The following PALD1 variants were observed in gnomAD, a reference collection of about 807,000 sequenced individuals.
PALD1 encodes paladin.
In PALD1, 57 loss-of-function variants were observed where a neutral mutation model predicts 96.0. The ratio of observed to expected loss-of-function variants is 0.59; its 90% CI spans 0.48 to 0.74. PALD1 has a LOEUF of 0.74. Among genes scored for constraint, PALD1 ranks in the 30% least tolerant of loss-of-function variants. The pLI is 0.00. For synonymous variants in PALD1, 464 were observed against 473.6 expected (o/e 0.98, Z 0.26); for missense variants, 1,063 against 1,143.7 (o/e 0.93, Z 1.02).
chr10:70,518,239 C>T (rs550012912), intron 1 of PALD1, among the ~76,000 whole-genome samples: 3 of 152,256 alleles, frequency 2.0e-5, no homozygotes, highest in South Asian at 4.1e-4. Flanking sequence ...TATCACATTG[C>T]GTTCATCTGT....
chr10:70,566,229 C>T (rs771865488), intron 19 of PALD1, among the ~76,000 whole-genome samples: 1 of 152,192 alleles, frequency 6.6e-6, no homozygotes, highest in Non-Finnish European at 1.5e-5. Flanking sequence ...CCTGCATCCA[C>T]GTTCTTCCTC....
chr10:70,489,050 A>T (rs550072517), intron 1 of PALD1, among the ~76,000 whole-genome samples: 13 of 152,218 alleles, frequency 8.5e-5, no homozygotes, highest in Non-Finnish European at 1.8e-4. Flanking sequence ...CACTGGAAGG[A>T]ATAGGCCCAG....
chr10:70,460,910 C>T, the PALD1 span, among the ~76,000 whole-genome samples: 3 of 152,158 alleles, frequency 2.0e-5, no homozygotes. Flanking sequence ...CAAAAATTAG[C>T]CGGGCGTGGT....
chr10:70,537,591 T>G (rs1847140228), intron 10 of PALD1, among the ~76,000 whole-genome samples: 1 of 152,232 alleles, frequency 6.6e-6, no homozygotes, highest in Non-Finnish European at 1.5e-5. Context: ...CAGTGCCTGG[T>G]GTGGTCACCC....
intron 5 of PALD1, 106 bp from the exon 6 acceptor site, chr10:70,532,515 G>A (rs1847013334): frequency 8.9e-7 from 1 of 1,120,934 alleles, no homozygotes; most frequent in African/African-American, 1.6e-5. Flanking sequence ...GCAGAAGCCT[G>A]CCTGTGGCCT....
rs1847212891 is a variant in PALD1, at chr10:70,540,144, G to A, written c.1908+382G>A. Among the ~76,000 whole-genome samples the A allele has an allele frequency of 6.6e-6, 1 of 151,772 alleles. No homozygotes were observed. The highest frequency in any genetic ancestry group is 1.5e-5 in the Non-Finnish European group (1 of 67,910). ...ATAGGTGTGTGTGTGTTATCGGGGT[G>A]TGTGTGTATTCTGTTACAGGTGTGT... On this transcript the variant is annotated intron_variant, in intron 15 of 19. Transcript: ENST00000263563. The surrounding 1 kb of genome is among the most constrained non-coding windows in gnomAD (Gnocchi z 4.2).
chr10:70,551,287 C>T (rs1188077082), intron 18 of PALD1, among the ~76,000 whole-genome samples: 2 of 146,002 alleles, frequency 1.4e-5, no homozygotes, highest in African/African-American at 5.0e-5. Flanking sequence ...TAAACTTCTG[C>T]CCTCTGGTTT....
At chr10:70,542,712 G>A (rs1847276207) in intron 17 of PALD1, among the ~76,000 whole-genome samples, 1 of 152,156 alleles carries the variant, frequency 6.6e-6, no homozygotes, top group Non-Finnish European at 1.5e-5. Context: ...CCTTTTGGCT[G>A]TCATGAGTAA....
chr10:70,476,208 C>T (rs553884624), upstream of PALD1, among the ~76,000 whole-genome samples: 5 of 152,310 alleles, frequency 3.3e-5, no homozygotes, highest in Admixed American at 2.0e-4. Context: ...CCAGATTTCT[C>T]AGGAATCTTC....
rs756818088 is a variant in PALD1, at chr10:70,532,990, G to C, written c.795-5G>C. ...GCCTGATGGCTGCTCTCCCTCACCT[G>C]GCAGGTACCACCGCCTGCCCCTGCC... On this transcript the variant is annotated splice_region_variant and splice_polypyrimidine_tract_variant and intron_variant, in intron 6 of 19. Transcript: ENST00000263563. 5.1e-6 allele frequency: 8 copies of C among 1,574,620 alleles called. No homozygotes were observed. In the Admixed American group the frequency reaches 1.5e-4, roughly 29 times the overall value.
intron 17 of PALD1, among the ~76,000 whole-genome samples, chr10:70,542,538 T>C (rs896956253): frequency 6.6e-6 from 1 of 152,252 alleles, no homozygotes; most frequent in Non-Finnish European, 1.5e-5. Flanking sequence ...GTATTTGTGT[T>C]TTATGACTAG....
intron 1 of PALD1, among the ~76,000 whole-genome samples, chr10:70,507,814 A>G (rs1846425087): frequency 6.6e-6 from 1 of 151,396 alleles, no homozygotes; most frequent in African/African-American, 2.4e-5. Flanking sequence ...GTTCGTAGAG[A>G]TGAGGTCTCA....
chr10:70,479,846 G>A (rs545124692), intron 1 of PALD1, among the ~76,000 whole-genome samples: 52 of 152,284 alleles, frequency 3.4e-4, no homozygotes, highest in African/African-American at 1.2e-3. Flanking sequence ...GCACTGGGCC[G>A]TGCCCCTGGA....
At position 70,562,334 on chromosome 10, in the gene PALD1, T is replaced by C. The variant is rs1847757369; in HGVS notation, c.2263-2030T>C. ...GCAGGCTTTGCAAGTTACCATCTAC[T>C]CTGCGACCCTGGAGGCAAAGACAGC... On this transcript the variant is annotated intron_variant, in intron 18 of 19. Coordinates refer to ENST00000263563, the MANE Select transcript of PALD1 (RefSeq NM_014431.3). 2.0e-5 allele frequency among the ~76,000 whole-genome samples: 3 copies of C among 152,222 alleles called. No individual in the cohort carries two copies. In the South Asian group the frequency reaches 6.2e-4, roughly 32 times the overall value.
At chr10:70,532,906 C>A (rs1032837686) in intron 6 of PALD1, 89 bp from the exon 7 acceptor site, 1 of 1,502,184 alleles carries the variant, frequency 6.7e-7, no homozygotes, top group Non-Finnish European at 9.2e-7. Flanking sequence ...CACAGTGGGG[C>A]CCATTTCCAA....
upstream of PALD1, among the ~76,000 whole-genome samples, chr10:70,475,395 C>G (rs1389176092): frequency 6.6e-6 from 1 of 152,150 alleles, no homozygotes; most frequent in Non-Finnish European, 1.5e-5. Flanking sequence ...GCTCAGAGAC[C>G]ACTGGGCTCA....
chr10:70,501,051 C>T (rs1846283746), intron 1 of PALD1, among the ~76,000 whole-genome samples: 1 of 152,188 alleles, frequency 6.6e-6, no homozygotes, highest in African/African-American at 2.4e-5. Context: ...CCGGCAAGGT[C>T]ACTTCCTGTC....
In PALD1 at chr10:70,537,898, C is replaced by G; in HGVS notation, c.1315C>G (p.His439Asp). ...CCTGATCCTGTTTAACTACTACCTT[C>G]ATGAGCAGGTGGGGCCTGGGAGGAG... is the stretch of plus-strand genomic sequence containing the variant. ...FYLILFNYYL[H>D]EQYPLAFALS... The change falls in exon 11 of 20, where the codon CAT becomes GAT. Residue 439 changes from histidine to aspartate, a missense_variant. Physicochemically the swap from His to Asp is moderately conservative, Grantham distance 81. Coordinates refer to ENST00000263563, the MANE Select transcript of PALD1 (RefSeq NM_014431.3). The G allele has an allele frequency of 1.2e-6, 2 of 1,610,034 alleles. No homozygotes were observed. Among genetic ancestry groups the G allele is most frequent in the Non-Finnish European group, 1.7e-6 (2 of 1,176,344 alleles).
Position 70,538,262 on chromosome 10 carries a change from C to G in PALD1, c.1324-18C>G. ...CCCTGTGCCCCTGAATTCCTCGTCTCTCTGCCTCGGGCTGCAGTACCCGCT... is the reference window on the plus strand; with the variant it reads ...CCCTGTGCCCCTGAATTCCTCGTCTGTCTGCCTCGGGCTGCAGTACCCGCT... On this transcript the variant is annotated intron_variant, in intron 11 of 19. Coordinates refer to ENST00000263563, the MANE Select transcript of PALD1 (RefSeq NM_014431.3). 1 of 1,599,898 alleles carries G rather than the reference C, an allele frequency of 6.3e-7. No homozygotes were observed. Among genetic ancestry groups the G allele is most frequent in the Non-Finnish European group, 8.5e-7 (1 of 1,179,832 alleles).
Sources: allele counts gnomAD v4.1 joint callset (sites outside exome capture counted in the v4.1 genomes callset), GRCh38; gene constraint gnomAD v4.1.1; non-coding constraint Gnocchi (gnomAD v3.1); transcripts MANE v1.5; gene names NCBI Gene and HGNC (gene_info 2026-07-23, HGNC 2026-07-21).